Variants in KDM2A observed in about 807,000 individuals in gnomAD.
KDM2A encodes lysine demethylase 2A.
In KDM2A, 3 loss-of-function variants were observed where a neutral mutation model predicts 137.3. That is an observed-to-expected ratio of 0.02 (90% CI 0.01 to 0.06). The LOEUF is 0.06. Among genes scored for constraint, KDM2A ranks in the 10% least tolerant of loss-of-function variants. The pLI, the probability that KDM2A is intolerant of heterozygous loss-of-function variation, is 1.00. For synonymous variants in KDM2A, 512 were observed against 541.5 expected (o/e 0.95, Z 0.76); for missense variants, 738 against 1,510.6 (o/e 0.49, Z 8.48).
chr11:67,178,019 C>G (rs1340829070), intron 2 of KDM2A, among the ~76,000 whole-genome samples: 2 of 152,126 alleles, frequency 1.3e-5, no homozygotes, highest in Non-Finnish European at 2.9e-5. Context: ...CTGTGCATGA[C>G]TGTATTAAAA....
At chr11:67,226,337 A>G (rs1408399993) in intron 10 of KDM2A, among the ~76,000 whole-genome samples, 2 of 152,224 alleles carry the variant, frequency 1.3e-5, no homozygotes, top group African/African-American at 2.4e-5. Context: ...TCTGAAATAG[A>G]CAATCCTGAT....
At chr11:67,236,421 C>T (rs1189931376) in intron 12 of KDM2A, among the ~76,000 whole-genome samples, 1 of 152,182 alleles carries the variant, frequency 6.6e-6, no homozygotes, top group African/African-American at 2.4e-5. Context: ...TGAGCCACCA[C>T]GCCCAGCCAC....
intron 2 of KDM2A, among the ~76,000 whole-genome samples, chr11:67,150,351 C>T (rs1454440858): frequency 6.6e-6 from 1 of 152,162 alleles, no homozygotes; most frequent in East Asian, 1.9e-4. Context: ...GAAAAATTTA[C>T]CACCACCTTG....
chr11:67,182,757 T>TAG (rs1857118866), intron 5 of KDM2A, among the ~76,000 whole-genome samples: 2 of 152,188 alleles, frequency 1.3e-5, no homozygotes, highest in Non-Finnish European at 2.9e-5. Flanking sequence ...GGTCTTGAAC[T>TAG]CCTGACCTCA....
At chr11:67,133,753 G>A (rs976978947) in intron 2 of KDM2A, among the ~76,000 whole-genome samples, 5 of 150,568 alleles carry the variant, frequency 3.3e-5, no homozygotes, top group African/African-American at 1.2e-4. Flanking sequence ...CTAGGCTGAC[G>A]TGCAGTGGCG....
At position 67,256,409 on chromosome 11, in the gene KDM2A, G is replaced by C. The variant is rs182595898; in HGVS notation, c.*1354G>C. On this transcript the variant is annotated 3_prime_UTR_variant, in exon 21 of 21. Coordinates refer to ENST00000529006, the MANE Select transcript of KDM2A (RefSeq NM_012308.3). ...TTCTTTTGGGTCAATATTTTTAAGT[G>C]TGTGAGGAGATGCTCAGTAGCAGCA... 2.6e-5 allele frequency: 4 copies of C among 152,690 alleles called. No individual in the cohort carries two copies. Among genetic ancestry groups the C allele is most frequent in the Admixed American group, 2.6e-4 (4 of 15,300 alleles). 9.5% of individuals were successfully genotyped at this position (152,690 alleles called of 1,614,324 possible).
intron 2 of KDM2A, among the ~76,000 whole-genome samples, chr11:67,151,068 C>T (rs1291678564): frequency 6.6e-6 from 1 of 152,130 alleles, no homozygotes; most frequent in Non-Finnish European, 1.5e-5. Context: ...AGCAGGGGTT[C>T]AGTTTAGTTT....
chr11:67,161,260 A>T (rs1856631489), intron 2 of KDM2A, among the ~76,000 whole-genome samples: 1 of 152,230 alleles, frequency 6.6e-6, no homozygotes, highest in South Asian at 2.1e-4. Flanking sequence ...GATGGCTGTG[A>T]TGACAGCATG....
intron 10 of KDM2A, 93 bp downstream of exon 10, chr11:67,219,496 C>A: frequency 1.7e-6 from 1 of 572,738 alleles, no homozygotes; most frequent in South Asian, 4.3e-5. Context: ...ATCAAAACTT[C>A]CATTTTTCTT....
At chr11:67,130,504 C>T (rs1180859962) in intron 2 of KDM2A, among the ~76,000 whole-genome samples, 1 of 152,174 alleles carries the variant, frequency 6.6e-6, no homozygotes, top group African/African-American at 2.4e-5. Flanking sequence ...GACCTTTAGA[C>T]AGCCTTAAAG....
At chr11:67,194,349 A>C (rs1172034431) in intron 5 of KDM2A, among the ~76,000 whole-genome samples, 1 of 152,306 alleles carries the variant, frequency 6.6e-6, no homozygotes, top group East Asian at 1.9e-4. Context: ...AGCATCTTTC[A>C]AAACATCTCA....
chr11:67,168,951 G>GTTTTT (rs11335055), intron 2 of KDM2A, among the ~76,000 whole-genome samples: 2 of 62,232 alleles, frequency 3.2e-5, no homozygotes, highest in East Asian at 4.5e-4. Context: ...AATCCATGTA[G>GTTTTT]TTTTTTTTTT....
intron 2 of KDM2A, among the ~76,000 whole-genome samples, chr11:67,177,403 C>CA (rs1856994120): frequency 6.6e-6 from 1 of 152,132 alleles, no homozygotes; most frequent in Non-Finnish European, 1.5e-5. Flanking sequence ...ATACCACGTA[C>CA]AAAAGCATTT....
intron 5 of KDM2A, among the ~76,000 whole-genome samples, chr11:67,202,240 T>C (rs1186406711): frequency 2.0e-5 from 3 of 152,176 alleles, no homozygotes; most frequent in Admixed American, 2.0e-4. Flanking sequence ...AGTTTGTTTT[T>C]TTAAGATGGA....
chr11:67,164,334 T>G (rs2136319359), intron 2 of KDM2A, among the ~76,000 whole-genome samples: 1 of 152,322 alleles, frequency 6.6e-6, no homozygotes, highest in African/African-American at 2.4e-5. Flanking sequence ...TTAGCTTGAT[T>G]GAAGATGATT....
intron 2 of KDM2A, among the ~76,000 whole-genome samples, chr11:67,162,762 A>G (rs1426115477): frequency 6.6e-6 from 1 of 151,546 alleles, no homozygotes; most frequent in Non-Finnish European, 1.5e-5. Context: ...TGCCCAGGCT[A>G]GAGTGCAGTG....
chr11:67,214,093 T>G (rs577261208), intron 6 of KDM2A, among the ~76,000 whole-genome samples: 38 of 151,982 alleles, frequency 2.5e-4, no homozygotes, highest in Non-Finnish European at 4.0e-4. Flanking sequence ...CAGGCTGGAG[T>G]GCAGTGGCAC....
At chr11:67,228,840 A>C (rs1858626381) in intron 11 of KDM2A, among the ~76,000 whole-genome samples, 1 of 152,122 alleles carries the variant, frequency 6.6e-6, no homozygotes, top group South Asian at 2.1e-4. Flanking sequence ...GGGCTCAAGC[A>C]ATCCCCCTCC....
rs1016625953 is a variant in KDM2A at position 67,245,592 on chromosome 11, T to G, written c.1833+134T>G. The stretch of plus-strand genomic sequence containing the variant: ...TTATACTCTCTTTTTGGCTTTATTT[T>G]GTACCTTTTTTCCCCAGGTTTAGAT... On this transcript the variant is annotated intron_variant, in intron 14 of 20. Transcript: ENST00000529006. The surrounding 1 kb of genome is among the most constrained non-coding windows in gnomAD (Gnocchi z 4.1). 1 of 993,668 alleles carries G rather than the reference T, an allele frequency of 1.0e-6. No homozygotes were observed. The highest frequency in any genetic ancestry group is 2.9e-5 in the Admixed American group (1 of 34,968). The allele number at this position is 993,668 out of a possible 1,614,324, so 61.6% of individuals were successfully genotyped here. A position where few individuals can be genotyped will look rare whatever the true frequency, so the allele number is the denominator to read the frequency against.
Sources: allele counts gnomAD v4.1 joint callset (sites outside exome capture counted in the v4.1 genomes callset), GRCh38; gene constraint gnomAD v4.1.1; non-coding constraint Gnocchi (gnomAD v3.1); transcripts MANE v1.5; gene names NCBI Gene and HGNC (gene_info 2026-07-23, HGNC 2026-07-21).